Variants in TRPC1 observed in about 807,000 individuals in gnomAD.
TRPC1 encodes transient receptor potential cation channel subfamily C member 1.
A neutral mutation model predicts 88.2 loss-of-function variants in TRPC1; 42 were observed. That is an observed-to-expected ratio of 0.48 (90% confidence interval 0.37 to 0.62). TRPC1 has a LOEUF of 0.62. Ranked by LOEUF, TRPC1 falls within the 20% of genes least tolerant of loss-of-function variation. TRPC1 has a pLI of 0.00. For synonymous variants in TRPC1, 288 were observed against 331.8 expected (o/e 0.87, Z 1.43); for missense variants, 699 against 957.3 (o/e 0.73, Z 3.56).
intron 6 of TRPC1, among the ~76,000 whole-genome samples, chr3:142,782,143 G>T (rs1367584335): frequency 6.6e-6 from 1 of 152,036 alleles, no homozygotes; most frequent in African/African-American, 2.4e-5. Flanking sequence ...TCAAAGAAAG[G>T]CGTAAAGAAC....
intron 4 of TRPC1, among the ~76,000 whole-genome samples, chr3:142,761,002 G>A (rs1343493589): frequency 1.3e-5 from 2 of 151,868 alleles, no homozygotes; most frequent in Non-Finnish European, 2.9e-5. Flanking sequence ...AGTATTTAGG[G>A]TTTTTTTGAT....
At chr3:142,782,131 C>A (rs926312494) in intron 6 of TRPC1, among the ~76,000 whole-genome samples, 2 of 151,954 alleles carry the variant, frequency 1.3e-5, no homozygotes, top group South Asian at 2.1e-4. Flanking sequence ...AAAAAAAGAA[C>A]CTCAAAGAAA....
intron 4 of TRPC1, among the ~76,000 whole-genome samples, chr3:142,760,159 A>T (rs1275193896): frequency 6.6e-6 from 1 of 152,170 alleles, no homozygotes. Context: ...CACACAAAAA[A>T]AAATTGGCCC....
intron 9 of TRPC1, among the ~76,000 whole-genome samples, chr3:142,797,135 T>A (rs1936477367): frequency 6.6e-6 from 1 of 151,736 alleles, no homozygotes; most frequent in African/African-American, 2.4e-5. Context: ...CCTCATGCTT[T>A]CAGGCCTCAC....
Position 142,806,187 on chromosome 3 carries a change from A to G in TRPC1, c.2334A>G (p.Leu778=). 5.0e-6 allele frequency: 8 copies of G among 1,613,542 alleles called. No individual in the cohort carries two copies. The highest frequency in any genetic ancestry group is 6.8e-6 in the Non-Finnish European group (8 of 1,179,540). Residue 778 remains leucine (L), a synonymous_variant, in exon 13 of 13, where the codon TTA becomes TTG. Coordinates refer to ENST00000476941, the MANE Select transcript of TRPC1 (RefSeq NM_001251845.2). ...LSKFRNEIRD[L]LGFRTSKYAM... ...AATTCCGAAATGAAATAAGGGATTT[A>G]CTTGGCTTTCGGACTTCTAAATATG...
intron 4 of TRPC1, among the ~76,000 whole-genome samples, chr3:142,772,406 T>C (rs1935607864): frequency 1.3e-5 from 2 of 152,192 alleles, no homozygotes; most frequent in Non-Finnish European, 1.5e-5. Context: ...ATCTTCAAGT[T>C]TGCTAATTCT....
chr3:142,727,982 TA>T (rs879298426), intron 1 of TRPC1, among the ~76,000 whole-genome samples: 4,427 of 144,606 alleles, frequency 0.031, 225 homozygotes, highest in African/African-American at 0.1. Flanking sequence ...AATTTTCCTC[TA>T]AAAAAAAAAA....
Position 142,802,361 on chromosome 3 carries a change from T to G in TRPC1, c.1757+17T>G, listed in dbSNP as rs769452564. 8 of 1,372,832 alleles carry G rather than the reference T, an allele frequency of 5.8e-6. No individual in the cohort carries two copies. The highest frequency in any genetic ancestry group is 3.0e-5 in the Admixed American group (1 of 33,804). 85.0% of individuals were successfully genotyped at this position (1,372,832 alleles called of 1,614,324 possible). ...CTTCCATTCGTGAGTATCTTTTAAATGTTTTAGTAAATATATTTGTCTTTT... is the reference window on the plus strand; with the variant it reads ...CTTCCATTCGTGAGTATCTTTTAAAGGTTTTAGTAAATATATTTGTCTTTT... On this transcript the variant is annotated intron_variant, in intron 10 of 12. Transcript: ENST00000476941.
intron 4 of TRPC1, among the ~76,000 whole-genome samples, chr3:142,755,677 C>T (rs1392345022): frequency 6.6e-6 from 1 of 152,090 alleles, no homozygotes; most frequent in African/African-American, 2.4e-5. Flanking sequence ...GTACTTTGGA[C>T]ATAGGGAATT....
At chr3:142,758,025 A>G (rs971971743) in intron 4 of TRPC1, among the ~76,000 whole-genome samples, 2 of 152,196 alleles carry the variant, frequency 1.3e-5, no homozygotes, top group Non-Finnish European at 2.9e-5. Context: ...TATGGACTAT[A>G]GTCACCTTAT....
intron 4 of TRPC1, among the ~76,000 whole-genome samples, chr3:142,748,870 A>T (rs1054773224): frequency 6.6e-5 from 10 of 152,190 alleles, no homozygotes; most frequent in African/African-American, 2.4e-4. Context: ...CCCCTCTCAC[A>T]CAATGTTCAA....
intron 10 of TRPC1, among the ~76,000 whole-genome samples, chr3:142,802,860 T>G (rs1208979245): frequency 6.6e-6 from 1 of 152,238 alleles, no homozygotes; most frequent in Non-Finnish European, 1.5e-5. Flanking sequence ...CCGTCATTTT[T>G]AAATAAAACA....
Position 142,748,085 on chromosome 3 carries a change from G to C in TRPC1, c.430-173G>C, listed in dbSNP as rs528723442. On this transcript the variant is annotated intron_variant, in intron 3 of 12. Transcript: ENST00000476941. ...GATTACATTGCATTTATTAATTAGA[G>C]TTAAGTTTTGAGGTTTCAAAGAAAA... Among the ~76,000 whole-genome samples the C allele has an allele frequency of 1.4e-4, 21 of 152,254 alleles. No individual in the cohort carries two copies. In the South Asian group the frequency reaches 1.9e-3, roughly 14 times the overall value.
intron 4 of TRPC1, among the ~76,000 whole-genome samples, chr3:142,754,089 C>CAAAAAAAAAAAAAAAAAAAAAAAA (rs10609600): frequency 1.2e-5 from 1 of 86,154 alleles, no homozygotes; most frequent in African/African-American, 4.1e-5. Flanking sequence ...GACTCCGTCT[C>CAAAAAAAAAAAAAAAAAAAAAAAA]AAAAAAAAAA....
intron 4 of TRPC1, among the ~76,000 whole-genome samples, chr3:142,771,407 C>T (rs755290248): frequency 1.3e-5 from 2 of 152,038 alleles, no homozygotes; most frequent in Non-Finnish European, 2.9e-5. Context: ...AACTCCTGGA[C>T]TCAAGCAGTC....
At chr3:142,804,758 T>C (rs1936734141) in intron 12 of TRPC1, 128 bp downstream of exon 12, 7 of 713,108 alleles carry the variant, frequency 9.8e-6, no homozygotes, top group Non-Finnish European at 1.3e-5. Context: ...CACTGCTATA[T>C]ACCCTAATGT....
At chr3:142,782,592 C>T (rs756867978) in intron 6 of TRPC1, among the ~76,000 whole-genome samples, 5 of 152,114 alleles carry the variant, frequency 3.3e-5, no homozygotes, top group Admixed American at 1.3e-4. Context: ...TCTGCTTCTC[C>T]GTGTCTGGGA....
At position 142,806,487 on chromosome 3, in the gene TRPC1, T is replaced by G; in HGVS notation, c.*252T>G. On this transcript the variant is annotated 3_prime_UTR_variant, in exon 13 of 13. Transcript: ENST00000476941. The stretch of plus-strand genomic sequence containing the variant: ...AGATAGATTTTGTTAGCATGCTGCT[T>G]GGTTTTCTTACTTAGTGCTTTAAAA... 1 of 282,836 alleles carries G rather than the reference T, an allele frequency of 3.5e-6. No individual in the cohort carries two copies. Among genetic ancestry groups the G allele is most frequent in the East Asian group, 6.6e-5 (1 of 15,252 alleles). 17.5% of individuals were successfully genotyped at this position (282,836 alleles called of 1,614,324 possible).
At chr3:142,758,205 C>T (rs1267540580) in intron 4 of TRPC1, among the ~76,000 whole-genome samples, 1 of 152,076 alleles carries the variant, frequency 6.6e-6, no homozygotes, top group African/African-American at 2.4e-5. Context: ...TTTGAAGAAC[C>T]TCCATACTGT....
Sources: gnomAD v4.1 joint callset for allele counts (sites outside exome capture counted in the v4.1 genomes callset) on GRCh38, gnomAD v4.1.1 for gene constraint, MANE v1.5 for transcripts, NCBI Gene and HGNC (gene_info 2026-07-23, HGNC 2026-07-21) for gene names.